EHD2: variants seen among roughly 807,000 people sequenced by gnomAD.
EHD2 encodes the protein EH domain-containing protein 2.
In EHD2, 27 loss-of-function variants were observed where a neutral mutation model predicts 41.0. That is an observed-to-expected ratio of 0.66 (90% CI 0.49 to 0.91). EHD2 has a LOEUF of 0.91. Ranked by LOEUF, EHD2 falls within the 40% of genes least tolerant of loss-of-function variation. The pLI, the probability that EHD2 is intolerant of heterozygous loss-of-function variation, is 0.00. For missense variants in EHD2, 673 were observed against 773.9 expected, an observed-to-expected ratio of 0.87 and a Z score of 1.55; for synonymous variants, 342 against 341.0, an observed-to-expected ratio of 1.00 and a Z score of -0.03.
chr19:47,733,218 GT>G (rs1262791592), intron 4 of EHD2: 1 of 151,562 alleles, frequency 6.6e-6, no homozygotes, highest in African/African-American at 2.4e-5. Flanking sequence ...GAACAGACAA[GT>G]TTCCAGCCCT....
At chr19:47,722,057 C>CACACACAG (rs71180871) in intron 3 of EHD2, among the ~76,000 whole-genome samples, 2,067 of 144,612 alleles carry the variant, frequency 0.014, 67 homozygotes, top group Middle Eastern at 0.026. Context: ...CACACACACA[C>CACACACAG]TGGGAATAAT....
In EHD2 at chr19:47,741,822, G is replaced by C; in HGVS notation, c.*390G>C. On this transcript the variant is annotated 3_prime_UTR_variant, in exon 6 of 6. Transcript: ENST00000263277. This position sits in a 1 kb window ranked among gnomAD's most constrained non-coding sequence, Gnocchi z 4.5. The stretch of plus-strand genomic sequence containing the variant: ...TACATCTGCCCTCATGGAAGGTGAC[G>C]TTCCCAGGAGAGGGCACCTACACAG... 1 of 476,612 alleles carries C rather than the reference G, an allele frequency of 2.1e-6. No homozygotes were observed. 29.5% of individuals were successfully genotyped at this position (476,612 alleles called of 1,614,324 possible).
rs538708589 is a variant in EHD2, at chr19:47,720,462, T to C, written c.502+1856T>C. 2.2e-4 allele frequency among the ~76,000 whole-genome samples: 33 copies of C among 152,244 alleles called. 1 individual carries two copies. In the South Asian group the frequency reaches 6.8e-3, roughly 32 times the overall value. The stretch of plus-strand genomic sequence containing the variant: ...CTGGGATTACAGGTGTGAGCCACCA[T>C]GCCCGGCCTGCTGGATGACTTTGTG... On this transcript the variant is annotated intron_variant, in intron 3 of 5. Transcript: ENST00000263277.
chr19:47,729,706 C>A (rs1973788695), intron 4 of EHD2: 1 of 151,946 alleles, frequency 6.6e-6, no homozygotes, highest in African/African-American at 2.4e-5. Context: ...CCACCCCCAC[C>A]CCAGGAATCC....
chr19:47,728,344 C>T (rs1026935431), intron 4 of EHD2, among the ~76,000 whole-genome samples: 1 of 151,958 alleles, frequency 6.6e-6, no homozygotes, highest in African/African-American at 2.4e-5. Flanking sequence ...TGGCCATCCA[C>T]AAGGCTCACT....
At chr19:47,717,710 C>T (rs528362373) in intron 2 of EHD2, among the ~76,000 whole-genome samples, 1 of 151,876 alleles carries the variant, frequency 6.6e-6, no homozygotes, top group East Asian at 2.0e-4. Flanking sequence ...AGTTGGAGAC[C>T]AGCCTGGCCA....
chr19:47,733,536 G>A (rs1264236449), intron 4 of EHD2, among the ~76,000 whole-genome samples: 3 of 151,292 alleles, frequency 2.0e-5, no homozygotes, highest in South Asian at 2.1e-4. Context: ...TCATGGTGGC[G>A]GGCGCCTGTA....
At position 47,721,164 on chromosome 19, in the gene EHD2, G is replaced by T. The variant is rs7252008; in HGVS notation, c.502+2558G>T. On this transcript the variant is annotated intron_variant, in intron 3 of 5. Coordinates refer to ENST00000263277, the MANE Select transcript of EHD2 (RefSeq NM_014601.4). ...GTTTGTGTCTGGATGTGCTACTGGG[G>T]GTGTGTGTGTGTGTGTGTGTGTGTG... Among the ~76,000 whole-genome samples the T allele has an allele frequency of 7.1e-3, 406 of 57,154 alleles. 1 individual carries two copies. The highest frequency in any genetic ancestry group is 0.018 in the African/African-American group (209 of 11,692). 37.5% of individuals were successfully genotyped at this position (57,154 alleles called of 152,430 possible). A position where few individuals can be genotyped will look rare whatever the true frequency, so the allele number is the denominator to read the frequency against.
Position 47,733,941 on chromosome 19 carries a change from C to T in EHD2, c.916-2428C>T, listed in dbSNP as rs896664848. Among the ~76,000 whole-genome samples, 6 of 152,134 alleles carry T rather than the reference C, an allele frequency of 3.9e-5. No individual in the cohort carries two copies. The East Asian group carries it at 9.7e-4, about 24-fold the overall frequency. On this transcript the variant is annotated intron_variant, in intron 4 of 5. Transcript: ENST00000263277. Reference sequence around the variant, plus strand: ...GTGAATTGCTGCTGTAGGGCTTTGTCGGCTTCGGTAGAAATTTTGAACTTC... The same window carrying T: ...GTGAATTGCTGCTGTAGGGCTTTGTTGGCTTCGGTAGAAATTTTGAACTTC...
chr19:47,730,786 G>A (rs971819234), intron 4 of EHD2, among the ~76,000 whole-genome samples: 3 of 152,104 alleles, frequency 2.0e-5, no homozygotes, highest in Non-Finnish European at 4.4e-5. Flanking sequence ...TGATTCTATA[G>A]ACGCCAAGAT....
At chr19:47,730,862 G>A (rs1973800270) in intron 4 of EHD2, among the ~76,000 whole-genome samples, 1 of 152,130 alleles carries the variant, frequency 6.6e-6, no homozygotes, top group Admixed American at 6.6e-5. Context: ...GTTGCCGATC[G>A]CATGTGGTAC....
intron 5 of EHD2, among the ~76,000 whole-genome samples, chr19:47,740,562 A>G (rs777384129): frequency 2.0e-5 from 3 of 152,094 alleles, no homozygotes; most frequent in Admixed American, 6.6e-5. Flanking sequence ...CCTGGCCAAC[A>G]TGGTGAAACG....
At chr19:47,721,709 G>A (rs1973698755) in intron 3 of EHD2, among the ~76,000 whole-genome samples, 1 of 152,044 alleles carries the variant, frequency 6.6e-6, no homozygotes, top group African/African-American at 2.4e-5. Flanking sequence ...AATGGGCTGG[G>A]CGCAGTGGTT....
At chr19:47,728,336 G>C (rs1973773267) in intron 4 of EHD2, among the ~76,000 whole-genome samples, 1 of 151,544 alleles carries the variant, frequency 6.6e-6, no homozygotes, top group South Asian at 2.1e-4. Context: ...CTCCCACCTG[G>C]CCATCCACAA....
Position 47,742,069 on chromosome 19 carries a change from C to T in EHD2, c.*637C>T, listed in dbSNP as rs1250768756. On this transcript the variant is annotated 3_prime_UTR_variant, in exon 6 of 6. Coordinates refer to ENST00000263277, the MANE Select transcript of EHD2 (RefSeq NM_014601.4). ...CTACTGCTTCCTCAGATGGGCCCCTCCGCAGCCCCTTCCCTTGCTCGGGGA... is the reference window on the plus strand; with the variant it reads ...CTACTGCTTCCTCAGATGGGCCCCTTCGCAGCCCCTTCCCTTGCTCGGGGA... 1 of 388,914 alleles carries T rather than the reference C, an allele frequency of 2.6e-6. No homozygotes were observed. The highest frequency in any genetic ancestry group is 5.1e-6 in the Non-Finnish European group (1 of 196,734). The allele number at this position is 388,914 out of a possible 1,614,324, so 24.1% of individuals were successfully genotyped here.
chr19:47,725,663 C>G (rs1015692555), intron 3 of EHD2, 149 bp from the exon 4 acceptor site: 2 of 1,045,008 alleles, frequency 1.9e-6, no homozygotes, highest in African/African-American at 1.6e-5. Context: ...AGGGCCTTGG[C>G]TATTTTGCCC....
intron 1 of EHD2, among the ~76,000 whole-genome samples, chr19:47,713,832 C>T (rs990178996): frequency 6.6e-5 from 10 of 151,966 alleles, no homozygotes; most frequent in African/African-American, 2.2e-4. Flanking sequence ...AAGAGATCCT[C>T]TCTGCAGGGT....
intron 4 of EHD2, 29 bp from the exon 5 acceptor site, chr19:47,736,340 G>A (rs1275034786): frequency 4.4e-6 from 7 of 1,581,616 alleles, no homozygotes; most frequent in Non-Finnish European, 6.0e-6. Flanking sequence ...GGACCCTGAT[G>A]CAGGCTGAGG....
chr19:47,723,529 A>G (rs563876786), intron 3 of EHD2, among the ~76,000 whole-genome samples: 6 of 151,562 alleles, frequency 4.0e-5, no homozygotes, highest in Admixed American at 1.3e-4. Flanking sequence ...GTGTGGTGGC[A>G]CCTGTAATCC....
Sources: gnomAD v4.1 joint callset for allele counts (sites outside exome capture counted in the v4.1 genomes callset) on GRCh38, gnomAD v4.1.1 for gene constraint, Gnocchi (gnomAD v3.1) non-coding constraint, MANE v1.5 for transcripts, NCBI Gene and HGNC (gene_info 2026-07-23, HGNC 2026-07-21) for gene names.